Variants in SORCS2 observed in about 807,000 individuals in gnomAD.
SORCS2 encodes VPS10 domain-containing receptor SorCS2.
In SORCS2, 100 loss-of-function variants were observed where a neutral mutation model predicts 141.6. The ratio of observed to expected loss-of-function variants is 0.71; its 90% CI spans 0.60 to 0.83. The LOEUF is 0.83. SORCS2 is among the 40% of genes least tolerant of loss of function. SORCS2 has a pLI of 0.00. For missense variants in SORCS2, 1,646 were observed against 1,560.2 expected, an observed-to-expected ratio of 1.05 and a Z score of -0.93; for synonymous variants, 789 against 676.9, an observed-to-expected ratio of 1.17 and a Z score of -2.57.
intron 3 of SORCS2, among the ~76,000 whole-genome samples, chr4:7,600,258 G>T (rs1016243524): frequency 1.3e-5 from 2 of 152,160 alleles, no homozygotes; most frequent in African/African-American, 2.4e-5. Flanking sequence ...GAAACAACAC[G>T]CATTTATCTT....
At chr4:7,693,730 GC>G (rs1577081503) in intron 11 of SORCS2, among the ~76,000 whole-genome samples, 1 of 152,248 alleles carries the variant, frequency 6.6e-6, no homozygotes, top group East Asian at 1.9e-4. Context: ...TGTGCTGCTG[GC>G]TTGACTCAGG....
chr4:7,392,613 G>A (rs543959033), intron 1 of SORCS2, among the ~76,000 whole-genome samples: 1 of 152,070 alleles, frequency 6.6e-6, no homozygotes, highest in South Asian at 2.1e-4. Context: ...AGAAGCTGAG[G>A]TCTCCGCCTG....
Position 7,620,949 on chromosome 4 carries a change from C to T in SORCS2, c.649-17379C>T, listed in dbSNP as rs764748981. Reference sequence around the variant, plus strand: ...CCCCGAGTGCCCCCCAAGTGCCCTTCTCCTGCTGCGACCCCTGTGTTAGCC... The same window carrying T: ...CCCCGAGTGCCCCCCAAGTGCCCTTTTCCTGCTGCGACCCCTGTGTTAGCC... On this transcript the variant is annotated intron_variant, in intron 3 of 26. Transcript: ENST00000507866. Among the ~76,000 whole-genome samples the T allele has an allele frequency of 2.0e-5, 3 of 152,166 alleles. No homozygotes were observed. The East Asian group carries it at 5.8e-4, about 29-fold the overall frequency.
At chr4:7,270,529 C>A (rs1184911898) in intron 1 of SORCS2, among the ~76,000 whole-genome samples, 1 of 152,204 alleles carries the variant, frequency 6.6e-6, no homozygotes, top group East Asian at 1.9e-4. Context: ...AGCTACGGGT[C>A]CTCACACCAC....
intron 2 of SORCS2, among the ~76,000 whole-genome samples, chr4:7,414,143 G>T (rs1304007257): frequency 6.6e-6 from 1 of 152,226 alleles, no homozygotes; most frequent in Non-Finnish European, 1.5e-5. Context: ...ATTAACGGAT[G>T]CAGGCGCTGC....
chr4:7,720,004 C>T (rs1046044161), intron 18 of SORCS2, among the ~76,000 whole-genome samples: 4 of 152,032 alleles, frequency 2.6e-5, no homozygotes, highest in African/African-American at 9.7e-5. Context: ...AGTGTAGGAT[C>T]CAGGTCCGAG....
At position 7,670,222 on chromosome 4, in the gene SORCS2, G is replaced by A. The variant is rs987255207; in HGVS notation, c.1161+3009G>A. Reference sequence around the variant, plus strand: ...TGTGTTAAAGGGTATAAATGATACCGTCCTGCTGTTTTAATTTACCTGTCT... The same window carrying A: ...TGTGTTAAAGGGTATAAATGATACCATCCTGCTGTTTTAATTTACCTGTCT... On this transcript the variant is annotated intron_variant, in intron 8 of 26. Coordinates refer to ENST00000507866, the MANE Select transcript of SORCS2 (RefSeq NM_020777.3). 5.3e-5 allele frequency among the ~76,000 whole-genome samples: 8 copies of A among 152,148 alleles called. No homozygotes were observed. In the East Asian group the frequency reaches 1.2e-3, roughly 22 times the overall value.
chr4:7,370,674 T>C (rs1013860679), intron 1 of SORCS2, among the ~76,000 whole-genome samples: 1 of 152,226 alleles, frequency 6.6e-6, no homozygotes, highest in African/African-American at 2.4e-5. Context: ...GGCGGGGTGC[T>C]ATCCCGAGCT....
chr4:7,218,559 C>T (rs1728511452), intron 1 of SORCS2, among the ~76,000 whole-genome samples: 1 of 152,202 alleles, frequency 6.6e-6, no homozygotes, highest in African/African-American at 2.4e-5. Context: ...GAGAAGCCTA[C>T]TGCATATTCT....
intron 1 of SORCS2, among the ~76,000 whole-genome samples, chr4:7,271,279 G>A (rs1715108788): frequency 6.6e-6 from 1 of 152,182 alleles, no homozygotes; most frequent in Non-Finnish European, 1.5e-5. Context: ...CAGAGAAAGA[G>A]TCTAATGATC....
chr4:7,373,154 T>G (rs1722368119), intron 1 of SORCS2, among the ~76,000 whole-genome samples: 1 of 151,926 alleles, frequency 6.6e-6, no homozygotes, highest in South Asian at 2.1e-4. Context: ...TATAAGAGAC[T>G]GCCAAGTTGT....
intron 2 of SORCS2, among the ~76,000 whole-genome samples, chr4:7,478,203 T>C (rs2109362196): frequency 1.3e-5 from 2 of 151,958 alleles, no homozygotes; most frequent in East Asian, 3.9e-4. Context: ...TAGGGTGCAG[T>C]GAGTATGCAG....
At chr4:7,716,089 G>GAA (rs1283600364) in intron 17 of SORCS2, among the ~76,000 whole-genome samples, 3 of 151,956 alleles carry the variant, frequency 2.0e-5, no homozygotes, top group African/African-American at 7.3e-5. Flanking sequence ...CATGTAAAAT[G>GAA]TTAGGTACAT....
intron 1 of SORCS2, among the ~76,000 whole-genome samples, chr4:7,291,468 G>T (rs945675551): frequency 1.3e-5 from 2 of 152,150 alleles, no homozygotes; most frequent in African/African-American, 4.8e-5. Context: ...GGGCTCCCAG[G>T]GTTCTGGCTC....
chr4:7,634,561 G>T (rs1296485841), intron 3 of SORCS2, among the ~76,000 whole-genome samples: 2 of 152,176 alleles, frequency 1.3e-5, no homozygotes, highest in Non-Finnish European at 2.9e-5. Context: ...ATAAATAAAT[G>T]ATTGAATGAG....
chr4:7,433,714 G>A lies in SORCS2; in HGVS notation c.548+37359G>A, dbSNP rs200956294. On this transcript the variant is annotated intron_variant, in intron 2 of 26. Coordinates refer to ENST00000507866, the MANE Select transcript of SORCS2 (RefSeq NM_020777.3). ...ATTGCAGAAGCTGCCCTGGTTCTCC[G>A]CGTCCCACTCTGGGGACGGCACGAT... The A allele has an allele frequency of 3.6e-4, 582 of 1,612,980 alleles. 1 individual carries two copies. Among genetic ancestry groups the A allele is most frequent in the African/African-American group, 3.3e-3 (251 of 75,034 alleles).
At chr4:7,437,697 T>C (rs2109248945) in intron 2 of SORCS2, among the ~76,000 whole-genome samples, 1 of 147,828 alleles carries the variant, frequency 6.8e-6, no homozygotes, top group Non-Finnish European at 1.5e-5. Context: ...TGCCAGAAAG[T>C]GGGGACAAAA....
intron 3 of SORCS2, among the ~76,000 whole-genome samples, chr4:7,544,240 A>G (rs59363622): frequency 0.034 from 5,167 of 152,296 alleles, 305 homozygotes; most frequent in African/African-American, 0.12. Flanking sequence ...TTATTCATTC[A>G]ACTAATATCT....
At chr4:7,631,815 C>T (rs924348129) in intron 3 of SORCS2, among the ~76,000 whole-genome samples, 4 of 151,316 alleles carry the variant, frequency 2.6e-5, no homozygotes, top group East Asian at 2.0e-4. Context: ...GGAAATCCAT[C>T]GTGAAAGCCC....
Sources: allele counts gnomAD v4.1 joint callset (sites outside exome capture counted in the v4.1 genomes callset), GRCh38; gene constraint gnomAD v4.1.1; transcripts MANE v1.5; gene names NCBI Gene and HGNC (gene_info 2026-07-23, HGNC 2026-07-21).